The following AMER2 variants were observed in gnomAD, a reference collection of about 807,000 sequenced individuals.
AMER2 encodes APC membrane recruitment protein 2.
Under a neutral mutation model 4.7 loss-of-function variants are expected in AMER2, and 1 was observed. The ratio of observed to expected loss-of-function variants is 0.21; its 90% CI spans 0.07 to 1.00. The LOEUF (loss-of-function observed/expected upper bound fraction) is 1.00, where lower values mean the gene tolerates loss of function less well. AMER2 is among the 50% of genes least tolerant of loss of function. The pLI is 0.60. For missense variants in AMER2, 988 were observed against 966.9 expected, an observed-to-expected ratio of 1.02 and a Z score of -0.29; for synonymous variants, 485 against 433.3, an observed-to-expected ratio of 1.12 and a Z score of -1.48.
In AMER2 at chr13:25,170,628, G is replaced by A; in HGVS notation, c.992C>T (p.Pro331Leu). 1 of 1,563,306 alleles carries A rather than the reference G, an allele frequency of 6.4e-7. No homozygotes were observed. The highest frequency in any genetic ancestry group is 1.2e-5 in the South Asian group (1 of 85,504). ...GCTGCCGCCTTCGGAGTCGACAAGG[G>A]GGACCGTCTTTACGGGAACGGCCCC... ...RTGAVPVKTV[P>L]LVDSEGGSGR... Residue 331 changes from proline (P) to leucine (L), a missense_variant, in exon 1 of 1, where the codon CCC becomes CTC. Transcript: ENST00000515384. The surrounding 1 kb of genome is among the most constrained non-coding windows in gnomAD (Gnocchi z 7.3).
In AMER2 at chr13:25,170,297, G is replaced by A; in HGVS notation, c.1323C>T (p.Asp441=). 1 of 1,613,808 alleles carries A rather than the reference G, an allele frequency of 6.2e-7. No homozygotes were observed. The highest frequency in any genetic ancestry group is 8.5e-7 in the Non-Finnish European group (1 of 1,179,962). ...CCTGCTCCTCGGTCTGGGAGAGCAT[G>A]TCCCAGAACTCCTGTAGATAGGTGT... ...VDDTYLQEFW[D]MLSQTEEQGP... The change falls in exon 1 of 1, where the codon GAC becomes GAT. Residue 441 remains aspartate (D), a synonymous_variant. Coordinates refer to ENST00000515384, the MANE Select transcript of AMER2 (RefSeq NM_152704.4). The surrounding 1 kb of genome is among the most constrained non-coding windows in gnomAD (Gnocchi z 7.3).
At position 25,171,977 on chromosome 13, in the gene AMER2, A is replaced by T. The variant is rs564624002; in HGVS notation, c.-358T>A. ...CAACCATGGATCACGAAATGCCTCT[A>T]AAAACGACAACGCAATTCAACCCAC... On this transcript the variant is annotated 5_prime_UTR_variant, in exon 1 of 1. Coordinates refer to ENST00000515384, the MANE Select transcript of AMER2 (RefSeq NM_152704.4). The surrounding 1 kb of genome is among the most constrained non-coding windows in gnomAD (Gnocchi z 5.9). 17 of 278,034 alleles carry T rather than the reference A, an allele frequency of 6.1e-5. No homozygotes were observed. In the South Asian group the frequency reaches 1.2e-3, roughly 20 times the overall value. The allele number at this position is 278,034 out of a possible 1,614,324, so 17.2% of individuals were successfully genotyped here.
chr13:25,169,663 C>T lies in AMER2; in HGVS notation c.1957G>A (p.Gly653Ser). 6.2e-7 allele frequency: 1 copy of T among 1,612,892 alleles called. No individual in the cohort carries two copies. Among genetic ancestry groups the T allele is most frequent in the Non-Finnish European group, 8.5e-7 (1 of 1,179,350 alleles). The change falls in exon 1 of 1, where the codon GGC becomes AGC. Residue 653 changes from glycine (G) to serine (S), a missense_variant. By Grantham distance (56) the Gly-to-Ser change is moderately conservative. Coordinates refer to ENST00000515384, the MANE Select transcript of AMER2 (RefSeq NM_152704.4). The surrounding 1 kb of genome is among the most constrained non-coding windows in gnomAD (Gnocchi z 4.2). ...GCTCTGATGGTGGTCCCAGCCAAGC[C>T]CCGGTTGCTGACTCTGCGGACCAGC... Reference protein sequence around the residue: ...KVLVRRVSNRGLAGTTIRATA... With the variant: ...KVLVRRVSNRSLAGTTIRATA...
rs750464497 is a variant in AMER2, at chr13:25,171,163, C to A, written c.457G>T (p.Ala153Ser). 1 of 1,534,536 alleles carries A rather than the reference C, an allele frequency of 6.5e-7. No individual in the cohort carries two copies. The highest frequency in any genetic ancestry group is 8.8e-7 in the Non-Finnish European group (1 of 1,141,034). ...TGCGACTTGGCCACCGAGCTGCTGG[C>A]GAGGGAGCCCCCGCCGGGCCCTGCG... is the stretch of plus-strand genomic sequence containing the variant. ...RAAGPGGGSL[A>S]SSSVAKSHSF... Residue 153 changes from alanine (A) to serine (S), a missense_variant, in exon 1 of 1, where the codon GCC (alanine) becomes TCC (serine). By Grantham distance (99) the Ala-to-Ser change is moderately conservative (BLOSUM62 1). Transcript: ENST00000515384. This position sits in a 1 kb window ranked among gnomAD's most constrained non-coding sequence, Gnocchi z 5.9.
rs920031688 is a variant in AMER2, at chr13:25,164,461, G to T, written c.*5143C>A. On this transcript the variant is annotated 3_prime_UTR_variant, in exon 1 of 1. Coordinates refer to ENST00000515384, the MANE Select transcript of AMER2 (RefSeq NM_152704.4). ...CACAAAACTAATTTTCAGCTGCGTG[G>T]ACATGGGTTAGCTCTTTCTATTAGA... 1.3e-5 allele frequency: 2 copies of T among 150,004 alleles called. No homozygotes were observed. The highest frequency in any genetic ancestry group is 4.9e-5 in the African/African-American group (2 of 40,444). 9.3% of individuals were successfully genotyped at this position (150,004 alleles called of 1,614,324 possible). A position where few individuals can be genotyped will look rare whatever the true frequency, so the allele number is the denominator to read the frequency against.
Position 25,165,781 on chromosome 13 carries a change from C to A in AMER2, c.*3823G>T, listed in dbSNP as rs1956471927. 4 of 152,230 alleles carry A rather than the reference C, an allele frequency of 2.6e-5. No individual in the cohort carries two copies. 9.4% of individuals were successfully genotyped at this position (152,230 alleles called of 1,614,324 possible). ...CAGCAGAAGCCCAGCATCAGGGGAG[C>A]CAAATCCATATATTTGTAATTCAGG... is the stretch of plus-strand genomic sequence containing the variant. On this transcript the variant is annotated 3_prime_UTR_variant, in exon 1 of 1. Transcript: ENST00000515384.
rs1397220850 is a variant in AMER2 at position 25,166,041 on chromosome 13, G to C, written c.*3563C>G. 1 of 152,146 alleles carries C rather than the reference G, an allele frequency of 6.6e-6. No individual in the cohort carries two copies. The highest frequency in any genetic ancestry group is 1.5e-5 in the Non-Finnish European group (1 of 68,028). 9.4% of individuals were successfully genotyped at this position (152,146 alleles called of 1,614,324 possible). On this transcript the variant is annotated 3_prime_UTR_variant, in exon 1 of 1. Transcript: ENST00000515384. ...AAAATTCAAAGAAATCTCAACACCT[G>C]ACATAGTCTTTTTACCTGGATAATT...
In AMER2 at chr13:25,164,130, G is replaced by C. The variant is rs1390539490; in HGVS notation, c.*5474C>G. 6.9e-6 allele frequency: 1 copy of C among 144,274 alleles called. No individual in the cohort carries two copies. The highest frequency in any genetic ancestry group is 1.5e-5 in the Non-Finnish European group (1 of 65,996). 8.9% of individuals were successfully genotyped at this position (144,274 alleles called of 1,614,324 possible). A position where few individuals can be genotyped will look rare whatever the true frequency, so the allele number is the denominator to read the frequency against. On this transcript the variant is annotated 3_prime_UTR_variant, in exon 1 of 1. Transcript: ENST00000515384. ...AAAAAAAAAAAAAAAAAAAATTAAAGAGGGTAGATCTCATATTCAATATTC... is the reference window on the plus strand; with the variant it reads ...AAAAAAAAAAAAAAAAAAAATTAAACAGGGTAGATCTCATATTCAATATTC...
chr13:25,170,993 C>T lies in AMER2; in HGVS notation c.627G>A (p.Arg209=). The part of the protein sequence containing the change: ...SGMRWHRKDK[R]AKAEAAEGRA... ...GCCCCTCCGCGGCCTCCGCCTTGGC[C>T]CGCTTGTCTTTCCTGTGCCAGCGCA... The change falls in exon 1 of 1, where the codon CGG becomes CGA. Residue 209 remains arginine, a synonymous_variant. Transcript: ENST00000515384. The surrounding 1 kb of genome is among the most constrained non-coding windows in gnomAD (Gnocchi z 7.3). The T allele has an allele frequency of 1.3e-6, 2 of 1,564,422 alleles. No individual in the cohort carries two copies. The highest frequency in any genetic ancestry group is 1.7e-6 in the Non-Finnish European group (2 of 1,156,966).
At position 25,163,396 on chromosome 13, in the gene AMER2, G is replaced by C. The variant is rs1956433849; in HGVS notation, c.*6208C>G. On this transcript the variant is annotated 3_prime_UTR_variant, in exon 1 of 1. Transcript: ENST00000515384. Reference sequence around the variant, plus strand: ...AGATATTTTCACTCCCTCGTTCGTTGTAGCATTACTCATAATAGCCAAGAT... The same window carrying C: ...AGATATTTTCACTCCCTCGTTCGTTCTAGCATTACTCATAATAGCCAAGAT... 4 of 152,110 alleles carry C rather than the reference G, an allele frequency of 2.6e-5. No individual in the cohort carries two copies. The highest frequency in any genetic ancestry group is 2.6e-4 in the Admixed American group (4 of 15,274). 9.4% of individuals were successfully genotyped at this position (152,110 alleles called of 1,614,324 possible). A position where few individuals can be genotyped will look rare whatever the true frequency, so the allele number is the denominator to read the frequency against.
At position 25,171,002 on chromosome 13, in the gene AMER2, T is replaced by C; in HGVS notation, c.618A>G (p.Lys206=). The C allele has an allele frequency of 6.4e-7, 1 of 1,565,922 alleles. No homozygotes were observed. Among genetic ancestry groups the C allele is most frequent in the African/African-American group, 1.4e-5 (1 of 70,954 alleles). ...GLFSGMRWHR[K]DKRAKAEAAE... ...CGGCCTCCGCCTTGGCCCGCTTGTC[T>C]TTCCTGTGCCAGCGCATGCCGCTGA... Residue 206 remains lysine (K), a synonymous_variant, in exon 1 of 1, where the codon AAA becomes AAG. Transcript: ENST00000515384. This position sits in a 1 kb window ranked among gnomAD's most constrained non-coding sequence, Gnocchi z 5.9.
At position 25,164,091 on chromosome 13, in the gene AMER2, T is replaced by G. The variant is rs202223114; in HGVS notation, c.*5513A>C. The G allele has an allele frequency of 8.6e-6, 1 of 115,936 alleles. No homozygotes were observed. Among genetic ancestry groups the G allele is most frequent in the Non-Finnish European group, 1.7e-5 (1 of 59,356 alleles). The allele number at this position is 115,936 out of a possible 1,614,324, so 7.2% of individuals were successfully genotyped here. ...CTGCACTCCAGCCTGGGTGACAGAG[T>G]AAGACTCCATCTCAAAAAAAAAAAA... On this transcript the variant is annotated 3_prime_UTR_variant, in exon 1 of 1. Transcript: ENST00000515384.
chr13:25,164,302 G>C lies in AMER2; in HGVS notation c.*5302C>G, dbSNP rs1159328190. ...AAGAAGTATCGCCATGACAACAGAA[G>C]AGATTTCTGTCTGTACTTCCCACAT... On this transcript the variant is annotated 3_prime_UTR_variant, in exon 1 of 1. Transcript: ENST00000515384. 1 of 151,966 alleles carries C rather than the reference G, an allele frequency of 6.6e-6. No homozygotes were observed. The highest frequency in any genetic ancestry group is 1.5e-5 in the Non-Finnish European group (1 of 68,022). The allele number at this position is 151,966 out of a possible 1,614,324, so 9.4% of individuals were successfully genotyped here. A position where few individuals can be genotyped will look rare whatever the true frequency, so the allele number is the denominator to read the frequency against.
At position 25,169,420 on chromosome 13, in the gene AMER2, T is replaced by G; in HGVS notation, c.*184A>C. On this transcript the variant is annotated 3_prime_UTR_variant, in exon 1 of 1. Transcript: ENST00000515384. This position sits in a 1 kb window ranked among gnomAD's most constrained non-coding sequence, Gnocchi z 4.2. ...AGAAACCCCCGTGTAGCATCCCTCT[T>G]TCTGGTGTTATCCGGTCCCTGCTCA... 1 of 622,818 alleles carries G rather than the reference T, an allele frequency of 1.6e-6. No homozygotes were observed. The highest frequency in any genetic ancestry group is 2.5e-6 in the Non-Finnish European group (1 of 395,410). 38.6% of individuals were successfully genotyped at this position (622,818 alleles called of 1,614,324 possible).
chr13:25,170,714 C>A lies in AMER2; in HGVS notation c.906G>T (p.Gly302=). 5 of 1,477,648 alleles carry A rather than the reference C, an allele frequency of 3.4e-6. No homozygotes were observed. Among genetic ancestry groups the A allele is most frequent in the South Asian group, 1.3e-5 (1 of 74,736 alleles). 91.5% of individuals were successfully genotyped at this position (1,477,648 alleles called of 1,614,324 possible). A position where few individuals can be genotyped will look rare whatever the true frequency, so the allele number is the denominator to read the frequency against. Residue 302 remains glycine (G), a synonymous_variant, in exon 1 of 1, where the codon GGG becomes GGT. Transcript: ENST00000515384. The surrounding 1 kb of genome is among the most constrained non-coding windows in gnomAD (Gnocchi z 7.3). ...DTGARGEDAA[G]HRRAEPGPGE... ...CGGGCCCCGGCTCGGCGCGCCGATG[C>A]CCCGCGGCGTCCTCTCCCCGGGCGC...
chr13:25,162,704 TGAG>T lies in AMER2; in HGVS notation c.*6897_*6899del, dbSNP rs571314359. The T allele has an allele frequency of 6.6e-6, 1 of 152,230 alleles. No homozygotes were observed. The highest frequency in any genetic ancestry group is 2.1e-4 in the South Asian group (1 of 4,832). 9.4% of individuals were successfully genotyped at this position (152,230 alleles called of 1,614,324 possible). On this transcript the variant is annotated 3_prime_UTR_variant, in exon 1 of 1. Transcript: ENST00000515384. ...TAAATGATTCAGGTCTGAGAGTATC[TGAG>T]AAGGTATAGTATGTCTCAGGTAACC...
Position 25,170,608 on chromosome 13 carries a change from C to T in AMER2, c.1012G>A (p.Gly338Ser), listed in dbSNP as rs1312490351. ...KTVPLVDSEG[G>S]SGRAPAAPDP... Reference sequence around the variant, plus strand: ...GGGGCGGCGGGCGCCCGGCCGCTGCCGCCTTCGGAGTCGACAAGGGGGACC... The same window carrying T: ...GGGGCGGCGGGCGCCCGGCCGCTGCTGCCTTCGGAGTCGACAAGGGGGACC... The change falls in exon 1 of 1, where the codon GGC (glycine) becomes AGC (serine). Residue 338 changes from glycine (G) to serine (S), a missense_variant. Transcript: ENST00000515384. The surrounding 1 kb of genome is among the most constrained non-coding windows in gnomAD (Gnocchi z 7.3). The T allele has an allele frequency of 6.3e-7, 1 of 1,579,248 alleles. No individual in the cohort carries two copies. The highest frequency in any genetic ancestry group is 1.9e-5 in the Admixed American group (1 of 53,792).
In AMER2 at chr13:25,169,966, C is replaced by T; in HGVS notation, c.1654G>A (p.Gly552Arg). 6 of 1,614,120 alleles carry T rather than the reference C, an allele frequency of 3.7e-6. No individual in the cohort carries two copies. The highest frequency in any genetic ancestry group is 5.1e-6 in the Non-Finnish European group (6 of 1,180,034). ...KAGIPRDSYS[G>R]DALYDLYADP... ...GCATAGAGATCATAGAGCGCGTCCC[C>T]GCTGTAGCTATCCCGGGGGATGCCC... The change falls in exon 1 of 1, where the codon GGG (glycine) becomes AGG (arginine). Residue 552 changes from glycine (G) to arginine (R), a missense_variant. Coordinates refer to ENST00000515384, the MANE Select transcript of AMER2 (RefSeq NM_152704.4). The surrounding 1 kb of genome is among the most constrained non-coding windows in gnomAD (Gnocchi z 4.2).
rs1200231750 is a variant in AMER2 at position 25,165,955 on chromosome 13, A to G, written c.*3649T>C. 6.6e-6 allele frequency: 1 copy of G among 152,266 alleles called. No individual in the cohort carries two copies. Among genetic ancestry groups the G allele is most frequent in the East Asian group, 1.9e-4 (1 of 5,196 alleles). The allele number at this position is 152,266 out of a possible 1,614,324, so 9.4% of individuals were successfully genotyped here. A position where few individuals can be genotyped will look rare whatever the true frequency, so the allele number is the denominator to read the frequency against. On this transcript the variant is annotated 3_prime_UTR_variant, in exon 1 of 1. Coordinates refer to ENST00000515384, the MANE Select transcript of AMER2 (RefSeq NM_152704.4). The stretch of plus-strand genomic sequence containing the variant: ...TGAGTGGATCTCTTCACACCAAGCT[A>G]ACAGTCAAGAGTTGCCTTTAAAATT...
Sources: gnomAD v4.1 joint callset for allele counts on GRCh38, gnomAD v4.1.1 for gene constraint, Gnocchi (gnomAD v3.1) non-coding constraint, MANE v1.5 for transcripts, NCBI Gene and HGNC (gene_info 2026-07-23, HGNC 2026-07-21) for gene names.